ABHD17B: variants seen among roughly 807,000 people sequenced by gnomAD.
ABHD17B encodes the protein alpha/beta hydrolase domain-containing protein 17B.
ABHD17B carries 9 observed loss-of-function variants against 26.2 expected under a neutral mutation model. The ratio of observed to expected loss-of-function variants is 0.34; its 90% confidence interval spans 0.21 to 0.60. ABHD17B has a LOEUF of 0.60. Ranked by LOEUF, ABHD17B falls within the 20% of genes least tolerant of loss-of-function variation. The pLI, the probability that ABHD17B is intolerant of heterozygous loss-of-function variation, is 0.80. For synonymous variants in ABHD17B, 127 were observed against 122.3 expected (o/e 1.04, Z -0.25); for missense variants, 224 against 352.1 (o/e 0.64, Z 2.91).
intron 1 of ABHD17B, among the ~76,000 whole-genome samples, chr9:71,905,128 T>C (rs1187456876): frequency 2.0e-5 from 3 of 152,020 alleles, no homozygotes; most frequent in Non-Finnish European, 4.4e-5. Flanking sequence ...AGAAGTTTTT[T>C]GTTTTTTTTT....
intron 1 of ABHD17B, among the ~76,000 whole-genome samples, chr9:71,909,748 C>T (rs758261458): frequency 6.6e-6 from 1 of 152,062 alleles, no homozygotes; most frequent in Non-Finnish European, 1.5e-5. Flanking sequence ...TAAAGGTCAC[C>T]CTCTGTATTC....
chr9:71,893,671 A>C (rs2177546), intron 1 of ABHD17B, among the ~76,000 whole-genome samples: 147,431 of 152,308 alleles, frequency 0.97, 71,538 homozygotes, highest in East Asian at 1. Flanking sequence ...CCTCTCTCCT[A>C]CCCAGAGATT....
chr9:71,910,386 G>A (rs2132226028), intron 1 of ABHD17B, among the ~76,000 whole-genome samples: 1 of 152,230 alleles, frequency 6.6e-6, no homozygotes, highest in African/African-American at 2.4e-5. Context: ...ACGGACCGCA[G>A]GGACTGTCCT....
At chr9:71,887,311 G>T (rs1026598878) in intron 1 of ABHD17B, among the ~76,000 whole-genome samples, 6 of 152,042 alleles carry the variant, frequency 3.9e-5, no homozygotes, top group African/African-American at 1.5e-4. Context: ...AAGCTAGTAA[G>T]GTTCAGAAAT....
intron 1 of ABHD17B, among the ~76,000 whole-genome samples, chr9:71,890,776 C>A (rs1231905736): frequency 6.6e-6 from 1 of 152,078 alleles, no homozygotes; most frequent in Admixed American, 6.6e-5. Context: ...GAAGTTTTTG[C>A]CTTTTTATTA....
At chr9:71,903,086 T>A (rs185622348) in intron 1 of ABHD17B, among the ~76,000 whole-genome samples, 6 of 152,262 alleles carry the variant, frequency 3.9e-5, no homozygotes, top group Admixed American at 2.0e-4. Context: ...TGTGACTACA[T>A]CCTCAACATA....
intron 3 of ABHD17B, among the ~76,000 whole-genome samples, chr9:71,867,732 C>T (rs1825996870): frequency 6.6e-6 from 1 of 152,140 alleles, no homozygotes; most frequent in Non-Finnish European, 1.5e-5. Context: ...TACCCAGAAA[C>T]TGCCTGCCCC....
chr9:71,886,622 C>T (rs773747858), intron 1 of ABHD17B, among the ~76,000 whole-genome samples: 1 of 152,056 alleles, frequency 6.6e-6, no homozygotes, highest in African/African-American at 2.4e-5. Context: ...CAGGCTCAAG[C>T]GATCCTCCTA....
intron 1 of ABHD17B, among the ~76,000 whole-genome samples, chr9:71,901,166 AATAAATAAT>A (rs990338933): frequency 2.0e-5 from 3 of 151,470 alleles, no homozygotes; most frequent in African/African-American, 7.3e-5. Flanking sequence ...TAAATAAATA[AATAAATAAT>A]TTTTTTTTTT....
Position 71,874,744 on chromosome 9 carries a change from C to T in ABHD17B, c.337G>A (p.Gly113Arg). ...TTACAATTAATCCGTGATCCTAGTC[C>T]TATGTAAAAGCTGCTCATTTGACCA... ...DLGQMSSFYI[G>R]LGSRINCNIF... Residue 113 changes from glycine to arginine, a missense_variant, in exon 2 of 4, where the codon GGA becomes AGA. By Grantham distance (125) the Gly-to-Arg change is moderately radical. Transcript: ENST00000333421. 1 of 1,614,200 alleles carries T rather than the reference C, an allele frequency of 6.2e-7. No individual in the cohort carries two copies. Among genetic ancestry groups the T allele is most frequent in the Non-Finnish European group, 8.5e-7 (1 of 1,180,022 alleles).
intron 1 of ABHD17B, among the ~76,000 whole-genome samples, chr9:71,903,248 T>A (rs535093902): frequency 5.3e-5 from 8 of 152,134 alleles, no homozygotes; most frequent in African/African-American, 1.4e-4. Flanking sequence ...GTTTGCTACA[T>A]GCATAGAATT....
At chr9:71,892,357 C>T (rs1826810854) in intron 1 of ABHD17B, among the ~76,000 whole-genome samples, 1 of 151,858 alleles carries the variant, frequency 6.6e-6, no homozygotes, top group Non-Finnish European at 1.5e-5. Context: ...ACGGTGAAAC[C>T]TCATCTCTAC....
At chr9:71,904,204 G>T (rs948909088) in intron 1 of ABHD17B, among the ~76,000 whole-genome samples, 4 of 151,992 alleles carry the variant, frequency 2.6e-5, no homozygotes, top group Non-Finnish European at 5.9e-5. Flanking sequence ...TATTTGTTGT[G>T]CATATTATCA....
chr9:71,862,479 T>C, downstream of ABHD17B: 1 of 1,335,520 alleles, frequency 7.5e-7, no homozygotes, highest in Non-Finnish European at 1.0e-6. Context: ...TTATGTCATA[T>C]AATTTGAAAG....
intron 1 of ABHD17B, among the ~76,000 whole-genome samples, chr9:71,884,776 C>A: frequency 6.6e-6 from 1 of 151,448 alleles, no homozygotes; most frequent in South Asian, 2.1e-4. Flanking sequence ...CATCTAGTAT[C>A]AAGCAGAATA....
chr9:71,910,241 G>T (rs1295801307), intron 1 of ABHD17B, among the ~76,000 whole-genome samples: 4 of 152,140 alleles, frequency 2.6e-5, no homozygotes, highest in Non-Finnish European at 2.9e-5. Flanking sequence ...ATGGGAACCT[G>T]ACCCCATCTT....
At chr9:71,871,883 C>A (rs1469990390) in intron 2 of ABHD17B, among the ~76,000 whole-genome samples, 1 of 152,080 alleles carries the variant, frequency 6.6e-6, no homozygotes, top group Non-Finnish European at 1.5e-5. Context: ...GAATGCCAGG[C>A]CCCGAGTTTC....
chr9:71,909,629 C>T lies in ABHD17B; in HGVS notation c.-4+1005G>A, dbSNP rs186355993. Among the ~76,000 whole-genome samples the T allele has an allele frequency of 3.2e-4, 49 of 152,236 alleles. 1 individual carries two copies. Among genetic ancestry groups the T allele is most frequent in the Admixed American group, 3.1e-3 (48 of 15,290 alleles). On this transcript the variant is annotated intron_variant, in intron 1 of 3. Transcript: ENST00000333421. ...GTTTCATATGTTGGCACAAGATCTCCAAAGATTTATTAGAGGCATAAAAAA... is the reference window on the plus strand; with the variant it reads ...GTTTCATATGTTGGCACAAGATCTCTAAAGATTTATTAGAGGCATAAAAAA...
intron 1 of ABHD17B, among the ~76,000 whole-genome samples, chr9:71,881,048 T>G (rs1243494241): frequency 6.6e-6 from 1 of 152,102 alleles, no homozygotes; most frequent in African/African-American, 2.4e-5. Context: ...AAATCAATCT[T>G]GAAAAGAAAA....
Sources: gnomAD v4.1 joint callset for allele counts (sites outside exome capture counted in the v4.1 genomes callset) on GRCh38, gnomAD v4.1.1 for gene constraint, MANE v1.5 for transcripts, NCBI Gene and HGNC (gene_info 2026-07-23, HGNC 2026-07-21) for gene names.